Variants in ATIC observed in about 807,000 individuals in gnomAD.
ATIC encodes the protein bifunctional purine biosynthesis protein ATIC.
In ATIC, 64 loss-of-function variants were observed where a neutral mutation model predicts 72.5. The observed-to-expected ratio is 0.88, with a 90% CI of 0.72 to 1.09. ATIC has a LOEUF of 1.09. Among genes scored for constraint, ATIC ranks in the 50% least tolerant of loss-of-function variants. The pLI is 0.00. For synonymous variants in ATIC, 281 were observed against 267.1 expected (o/e 1.05, Z -0.51); for missense variants, 787 against 732.4 (o/e 1.07, Z -0.86).
In ATIC at chr2:215,327,300, G is replaced by A. The variant is rs150325874; in HGVS notation, c.688+322G>A. Among the ~76,000 whole-genome samples, 157 of 152,274 alleles carry A rather than the reference G, an allele frequency of 1.0e-3. 1 individual carries two copies. Among genetic ancestry groups the A allele is most frequent in the African/African-American group, 3.6e-3 (149 of 41,560 alleles). On this transcript the variant is annotated intron_variant, in intron 7 of 15. Coordinates refer to ENST00000236959, the MANE Select transcript of ATIC (RefSeq NM_004044.7). ...CAAGAAAGCCTTGGGGTAAAGGCTT[G>A]GTAGGTGTACTGTGGAGGAACCAGC...
At chr2:215,321,585 A>G (rs2052767523) in intron 4 of ATIC, among the ~76,000 whole-genome samples, 1 of 152,132 alleles carries the variant, frequency 6.6e-6, no homozygotes, top group African/African-American at 2.4e-5. Context: ...ACCATTTTAC[A>G]TTTCCAGCAG....
intron 12 of ATIC, 86 bp downstream of exon 12, chr2:215,338,993 C>G: frequency 1.3e-6 from 2 of 1,573,682 alleles, no homozygotes; most frequent in Non-Finnish European, 1.7e-6. Flanking sequence ...TTATTAAGGT[C>G]TGGATTTGGA....
At chr2:215,323,196 C>T (rs1328934916) in intron 4 of ATIC, among the ~76,000 whole-genome samples, 1 of 152,168 alleles carries the variant, frequency 6.6e-6, no homozygotes, top group Non-Finnish European at 1.5e-5. Flanking sequence ...CCGCCCGCCT[C>T]GGCCTCCCAA....
chr2:215,327,716 G>T (rs2052844303), intron 7 of ATIC, among the ~76,000 whole-genome samples: 1 of 152,112 alleles, frequency 6.6e-6, no homozygotes, highest in Non-Finnish European at 1.5e-5. Flanking sequence ...GAGAGCAAGG[G>T]CAGCCTCCTT....
At chr2:215,312,226 G>A in intron 1 of ATIC, 65 bp downstream of exon 1, 1 of 1,450,806 alleles carries the variant, frequency 6.9e-7, no homozygotes, top group South Asian at 1.4e-5. Flanking sequence ...TCCCGCCTTG[G>A]CGGCGGCCGG....
In ATIC at chr2:215,312,618, C is replaced by T; in HGVS notation, c.140C>T (p.Ala47Val). Residue 47 changes from alanine (A) to valine (V), a missense_variant, in exon 2 of 16, where the codon GCA (alanine) becomes GTA (valine). Physicochemically the swap from Ala to Val is moderately conservative, Grantham distance 64. Transcript: ENST00000236959. ...AAAGCTCTCAGGGATGCTGGTCTGG[C>T]AGTCAGGTAAGGCATAGCTAGTTCC... ...TAKALRDAGL[A>V]VRDVSELTGF... The T allele has an allele frequency of 6.2e-7, 1 of 1,614,210 alleles. No individual in the cohort carries two copies. Among genetic ancestry groups the T allele is most frequent in the South Asian group, 1.1e-5 (1 of 91,080 alleles).
chr2:215,329,563 A>T (rs567923405), intron 7 of ATIC, among the ~76,000 whole-genome samples: 1 of 152,270 alleles, frequency 6.6e-6, no homozygotes, highest in Non-Finnish European at 1.5e-5. Context: ...CTAAAACAAA[A>T]TTGAAGCAAG....
chr2:215,332,280 A>C, intron 7 of ATIC, 102 bp from the exon 8 acceptor site: 1 of 1,508,828 alleles, frequency 6.6e-7, no homozygotes, highest in African/African-American at 1.4e-5. Flanking sequence ...TCTTAATTAT[A>C]CTTAAAACAT....
At chr2:215,348,064 A>G (rs1158401702) in intron 14 of ATIC, among the ~76,000 whole-genome samples, 1 of 152,166 alleles carries the variant, frequency 6.6e-6, no homozygotes, top group Non-Finnish European at 1.5e-5. Flanking sequence ...CTTCCCCTGA[A>G]GCCCTTTTAT....
chr2:215,313,998 T>C (rs946386267), intron 2 of ATIC, among the ~76,000 whole-genome samples: 13 of 152,062 alleles, frequency 8.5e-5, no homozygotes, highest in Non-Finnish European at 1.5e-4. Context: ...CTCTTTTTTT[T>C]CCCCACCAAA....
In ATIC at chr2:215,335,002, G is replaced by A. The variant is rs1278716736; in HGVS notation, c.1006G>A (p.Glu336Lys). The A allele has an allele frequency of 6.2e-7, 1 of 1,609,056 alleles. No homozygotes were observed. Among genetic ancestry groups the A allele is most frequent in the Non-Finnish European group, 8.5e-7 (1 of 1,175,754 alleles). The change falls in exon 10 of 16, where the codon GAA becomes AAA. Residue 336 changes from glutamate to lysine, a missense_variant and splice_region_variant. By Grantham distance (56) the Glu-to-Lys change is moderately conservative (BLOSUM62 1). Coordinates refer to ENST00000236959, the MANE Select transcript of ATIC (RefSeq NM_004044.7). ...DVPTAKIISR[E>K]VSDGIIAPGY... ...ACCAACTGCAAAAATTATTTCCAGA[G>A]AAGTTAGTGGACATTCATGTATCTT... is the stretch of plus-strand genomic sequence containing the variant.
At chr2:215,325,123 T>A in intron 4 of ATIC, 118 bp from the exon 5 acceptor site, 1 of 776,736 alleles carries the variant, frequency 1.3e-6, no homozygotes, top group Non-Finnish European at 2.3e-6. Flanking sequence ...ACAGTTTATA[T>A]ATTAGTTCTC....
the ATIC span, chr2:215,361,625 TTC>T: frequency 1.2e-6 from 2 of 1,608,390 alleles, no homozygotes; most frequent in Non-Finnish European, 1.7e-6. Context: ...GCAATTAACA[TTC>T]TGTTAAAAAG....
chr2:215,326,223 T>C (rs2052823988), intron 6 of ATIC, 85 bp downstream of exon 6: 4 of 1,506,142 alleles, frequency 2.7e-6, no homozygotes, highest in Admixed American at 3.4e-5. Flanking sequence ...TCTTGGTAGA[T>C]TGCATTACCT....
downstream of ATIC, chr2:215,349,777 G>A (rs927882488): frequency 1.3e-6 from 2 of 1,547,434 alleles, no homozygotes; most frequent in African/African-American, 2.7e-5. Flanking sequence ...CATAGTTTTT[G>A]GTAGTTGTGT....
intron 6 of ATIC, 47 bp downstream of exon 6, chr2:215,326,185 G>A: frequency 2.5e-6 from 4 of 1,610,934 alleles, no homozygotes; most frequent in Non-Finnish European, 3.4e-6. Context: ...ATGGAGTGCA[G>A]TGTTTGCCAG....
chr2:215,314,322 C>CAGTT, intron 2 of ATIC, among the ~76,000 whole-genome samples: 1 of 152,278 alleles, frequency 6.6e-6, no homozygotes, highest in South Asian at 2.1e-4. Flanking sequence ...AGGCCACATT[C>CAGTT]AGTTGCAGTG....
intron 9 of ATIC, 140 bp downstream of exon 9, chr2:215,333,597 C>A: frequency 1.8e-6 from 1 of 564,530 alleles, no homozygotes; most frequent in Non-Finnish European, 3.0e-6. Flanking sequence ...ACTTCTATCT[C>A]TATGTAAATA....
intron 7 of ATIC, among the ~76,000 whole-genome samples, chr2:215,330,287 G>A (rs898790256): frequency 2.0e-5 from 3 of 152,084 alleles, no homozygotes; most frequent in African/African-American, 7.2e-5. Flanking sequence ...ATTTCATGAG[G>A]ACAGTGATTT....
Sources: allele counts gnomAD v4.1 joint callset (sites outside exome capture counted in the v4.1 genomes callset), GRCh38; gene constraint gnomAD v4.1.1; transcripts MANE v1.5; gene names NCBI Gene and HGNC (gene_info 2026-07-23, HGNC 2026-07-21).